Variants in AKAP19 observed in about 807,000 individuals in gnomAD.
AKAP19 encodes the protein small A-kinase anchoring protein.
At chr2:190,028,531 C>T in the AKAP19 span, among the ~76,000 whole-genome samples, 1 of 151,252 alleles carries the variant, frequency 6.6e-6, no homozygotes, top group Admixed American at 6.6e-5. Flanking sequence ...TGATAACTAC[C>T]TTTTTTTTTA....
the AKAP19 span, among the ~76,000 whole-genome samples, chr2:190,195,494 A>C: frequency 6.6e-6 from 1 of 152,310 alleles, no homozygotes; most frequent in Non-Finnish European, 1.5e-5. Context: ...TAAATTTACA[A>C]TTCCTGAATG....
the AKAP19 span, among the ~76,000 whole-genome samples, chr2:190,169,522 A>G: frequency 6.6e-6 from 1 of 152,230 alleles, no homozygotes; most frequent in Non-Finnish European, 1.5e-5. Flanking sequence ...GCTGTGATTT[A>G]TGAGATAGAG....
the AKAP19 span, among the ~76,000 whole-genome samples, chr2:190,140,449 T>A: frequency 6.6e-6 from 1 of 152,218 alleles, no homozygotes; most frequent in Non-Finnish European, 1.5e-5. Flanking sequence ...AGCACACTAC[T>A]GCTTGGACAT....
the AKAP19 span, among the ~76,000 whole-genome samples, chr2:190,154,209 T>G: frequency 2.0e-5 from 3 of 152,220 alleles, no homozygotes; most frequent in Non-Finnish European, 4.4e-5. Context: ...TTTTGAATGA[T>G]TTAGTTTTCC....
chr2:190,152,620 T>C, the AKAP19 span, among the ~76,000 whole-genome samples: 3 of 152,222 alleles, frequency 2.0e-5, no homozygotes, highest in African/African-American at 7.2e-5. Context: ...TTTGTTCACT[T>C]TTTCCCCCAT....
chr2:190,115,518 A>G, the AKAP19 span, among the ~76,000 whole-genome samples: 1 of 144,286 alleles, frequency 6.9e-6, no homozygotes, highest in African/African-American at 2.6e-5. Context: ...ACGGGGTTTC[A>G]CCGTTTTAGC....
chr2:189,911,255 C>A, the AKAP19 span, among the ~76,000 whole-genome samples: 4 of 152,004 alleles, frequency 2.6e-5, no homozygotes, highest in Non-Finnish European at 4.4e-5. Context: ...ACTCTTCGTA[C>A]CATTTTATTA....
the AKAP19 span, among the ~76,000 whole-genome samples, chr2:190,163,384 A>T: frequency 6.6e-6 from 1 of 151,814 alleles, no homozygotes; most frequent in East Asian, 1.9e-4. Flanking sequence ...CAGTGAGCCG[A>T]GATCGCGCCA....
the AKAP19 span, among the ~76,000 whole-genome samples, chr2:189,952,224 G>A: frequency 6.6e-6 from 1 of 152,152 alleles, no homozygotes; most frequent in African/African-American, 2.4e-5. Context: ...AAACTTGTAT[G>A]CTTTTTCCCT....
At chr2:190,032,495 A>G in the AKAP19 span, among the ~76,000 whole-genome samples, 1 of 152,150 alleles carries the variant, frequency 6.6e-6, no homozygotes, top group Non-Finnish European at 1.5e-5. Context: ...CCACTGCAAC[A>G]TTAATTGATA....
At chr2:190,174,999 A>AG in the AKAP19 span, among the ~76,000 whole-genome samples, 981 of 134,618 alleles carry the variant, frequency 7.3e-3, 3 homozygotes, top group South Asian at 0.014. Context: ...AGATACATAG[A>AG]TTACATGGAG....
chr2:190,112,181 A>G, the AKAP19 span, among the ~76,000 whole-genome samples: 1 of 152,244 alleles, frequency 6.6e-6, no homozygotes, highest in Non-Finnish European at 1.5e-5. Flanking sequence ...CCACTTCTGC[A>G]TGAGAACGTG....
At chr2:190,069,169 T>TGAGA in the AKAP19 span, among the ~76,000 whole-genome samples, 6 of 137,342 alleles carry the variant, frequency 4.4e-5, no homozygotes, top group African/African-American at 1.9e-4. Context: ...TGTGTGTGTG[T>TGAGA]GTGTGTGAGA....
At chr2:189,926,746 A>T in the AKAP19 span, among the ~76,000 whole-genome samples, 1 of 145,614 alleles carries the variant, frequency 6.9e-6, no homozygotes, top group Admixed American at 6.9e-5. Flanking sequence ...ATGCCCGGCT[A>T]ATTTTTTGTA....
At chr2:190,192,162 G>GA in the AKAP19 span, among the ~76,000 whole-genome samples, 2 of 151,970 alleles carry the variant, frequency 1.3e-5, no homozygotes, top group South Asian at 2.1e-4. Context: ...TTGGTGGGGG[G>GA]AGAGTATGTG....
the AKAP19 span, among the ~76,000 whole-genome samples, chr2:190,185,170 CTT>C: frequency 2.6e-5 from 4 of 152,180 alleles, no homozygotes; most frequent in African/African-American, 9.7e-5. Flanking sequence ...ACTTAACACT[CTT>C]TTATTAATTT....
chr2:190,081,714 C>T, the AKAP19 span, among the ~76,000 whole-genome samples: 2 of 152,120 alleles, frequency 1.3e-5, no homozygotes, highest in Non-Finnish European at 2.9e-5. Context: ...ATTTCCCTTC[C>T]AGCTCACTAA....
the AKAP19 span, among the ~76,000 whole-genome samples, chr2:189,883,143 T>G: frequency 6.6e-6 from 1 of 152,162 alleles, no homozygotes; most frequent in African/African-American, 2.4e-5. Flanking sequence ...AAGCGCTGAT[T>G]GTTAGACACT....
the AKAP19 span, among the ~76,000 whole-genome samples, chr2:189,951,710 T>C: frequency 1.3e-5 from 2 of 152,238 alleles, no homozygotes. Flanking sequence ...AGAGAATCAT[T>C]TAGCTCATCT....
Sources: gnomAD v4.1 joint callset for allele counts (sites outside exome capture counted in the v4.1 genomes callset) on GRCh38, gnomAD v4.1.1 for gene constraint, MANE v1.5 for transcripts, NCBI Gene and HGNC (gene_info 2026-07-23, HGNC 2026-07-21) for gene names.